Variants in PPL observed in about 807,000 individuals in gnomAD.
PPL encodes periplakin.
In PPL, 198 loss-of-function variants were observed where a neutral mutation model predicts 194.4. The observed-to-expected ratio is 1.02, with a 90% CI of 0.91 to 1.15. PPL has a LOEUF of 1.15. PPL is among the 50% of genes most tolerant of loss of function. PPL has a pLI of 0.00. For synonymous variants in PPL, 1,220 were observed against 972.4 expected (o/e 1.25, Z -4.74); for missense variants, 2,885 against 2,294.8 (o/e 1.26, Z -5.25).
intron 1 of PPL, among the ~76,000 whole-genome samples, chr16:4,913,630 T>G (rs2088862174): frequency 6.6e-6 from 1 of 152,180 alleles, no homozygotes; most frequent in African/African-American, 2.4e-5. Flanking sequence ...CTCCACTTCT[T>G]GGGGTCAAGT....
At position 4,899,223 on chromosome 16, in the gene PPL, C is replaced by T. The variant is rs1282777583; in HGVS notation, c.768G>A (p.Glu256=). The change falls in exon 7 of 22, where the codon GAG becomes GAA. Residue 256 remains glutamate (E), a splice_region_variant and synonymous_variant. Transcript: ENST00000345988. ...LDYPSRRRQY[E]NFINRNLEAK... is the part of the protein sequence containing the mutation. ...GATGCCCCAGGCCCCCAGAACCCAC[C>T]TCATACTGGCGCCGGCGGCTGGGGT... The T allele has an allele frequency of 1.2e-6, 2 of 1,613,894 alleles. No homozygotes were observed. Among genetic ancestry groups the T allele is most frequent in the Non-Finnish European group, 8.5e-7 (1 of 1,179,924 alleles).
At chr16:4,921,792 C>T (rs534318860) in intron 1 of PPL, among the ~76,000 whole-genome samples, 1 of 151,946 alleles carries the variant, frequency 6.6e-6, no homozygotes, top group Non-Finnish European at 1.5e-5. Context: ...GGTGGCAACT[C>T]GAGGCTGAGG....
intron 1 of PPL, among the ~76,000 whole-genome samples, chr16:4,927,284 G>A (rs1015805418): frequency 1.3e-5 from 2 of 152,230 alleles, no homozygotes; most frequent in African/African-American, 4.8e-5. Flanking sequence ...ATACTGAAGA[G>A]AGAAAGCACT....
At chr16:4,914,160 C>A (rs1329189766) in intron 1 of PPL, among the ~76,000 whole-genome samples, 1 of 152,158 alleles carries the variant, frequency 6.6e-6, no homozygotes, top group African/African-American at 2.4e-5. Context: ...GGTCCTGGCA[C>A]GTCCCGTGGG....
At position 4,884,435 on chromosome 16, in the gene PPL, T is replaced by A; in HGVS notation, c.4220A>T (p.Glu1407Val). ...TELERQLEEL[E>V]RERQARREAE... ...CTCCCTGCGGGCCTGCCGCTCGCGC[T>A]CTAGCTCCTCCAGCTGCCGCTCAAG... is the stretch of plus-strand genomic sequence containing the variant. Residue 1407 changes from glutamate to valine, a missense_variant, in exon 22 of 22, where the codon GAG becomes GTG. Coordinates refer to ENST00000345988, the MANE Select transcript of PPL (RefSeq NM_002705.5). The surrounding 1 kb of genome is among the most constrained non-coding windows in gnomAD (Gnocchi z 5.7). 6.2e-7 allele frequency: 1 copy of A among 1,603,062 alleles called. No individual in the cohort carries two copies. The highest frequency in any genetic ancestry group is 1.3e-5 in the African/African-American group (1 of 74,512).
chr16:4,918,880 G>T lies in PPL; in HGVS notation c.63-7931C>A, dbSNP rs568664379. ...CTGCAGGAAAGGGGACAGGTCCCAG[G>T]AGTGCTGGGAAACCGGCTAGGCTGG... is the stretch of plus-strand genomic sequence containing the variant. On this transcript the variant is annotated intron_variant, in intron 1 of 21. Coordinates refer to ENST00000345988, the MANE Select transcript of PPL (RefSeq NM_002705.5). Among the ~76,000 whole-genome samples the T allele has an allele frequency of 7.9e-5, 12 of 152,282 alleles. No homozygotes were observed. In the South Asian group the frequency reaches 2.3e-3, roughly 29 times the overall value.
rs773316542 is a variant in PPL at position 4,884,985 on chromosome 16, G to C, written c.3670C>G (p.Pro1224Ala). ...SELEALRRRG[P>A]QVEVKEVTKE... ...GTCACCTCTTTGACTTCCACCTGGG[G>C]GCCTCGCCTCCTGAGGGCCTCCAGC... The change falls in exon 22 of 22, where the codon CCC becomes GCC. Residue 1224 changes from proline (P) to alanine (A), a missense_variant. Physicochemically the swap from Pro to Ala is conservative, Grantham distance 27 (BLOSUM62 -1). Coordinates refer to ENST00000345988, the MANE Select transcript of PPL (RefSeq NM_002705.5). The surrounding 1 kb of genome is among the most constrained non-coding windows in gnomAD (Gnocchi z 5.7). 1 of 1,614,000 alleles carries C rather than the reference G, an allele frequency of 6.2e-7. No homozygotes were observed. Among genetic ancestry groups the C allele is most frequent in the Non-Finnish European group, 8.5e-7 (1 of 1,180,016 alleles).
intron 1 of PPL, among the ~76,000 whole-genome samples, chr16:4,924,738 C>G (rs2089123835): frequency 6.6e-6 from 1 of 152,222 alleles, no homozygotes; most frequent in South Asian, 2.1e-4. Context: ...CACCCTTCCC[C>G]AGGTCCCCAG....
chr16:4,910,028 A>ACCT (rs1380665990), intron 2 of PPL, among the ~76,000 whole-genome samples: 24 of 152,284 alleles, frequency 1.6e-4, no homozygotes, highest in African/African-American at 5.1e-4. Flanking sequence ...AGGGTACAAA[A>ACCT]CAGGCATCAA....
Position 4,893,358 on chromosome 16 carries a change from A to C in PPL, c.1505T>G (p.Leu502Arg). 6.2e-7 allele frequency: 1 copy of C among 1,607,222 alleles called. No individual in the cohort carries two copies. The highest frequency in any genetic ancestry group is 1.1e-5 in the South Asian group (1 of 90,976). ...GCCAGCCAGCAGCTGCCGCCCCTGT[A>C]GGTCAGAGGCATCTGTGGAGGGAGG... ...KTENPGDASD[L>R]QGRQLLAGLD... The change falls in exon 14 of 22, where the codon CTA becomes CGA. Residue 502 changes from leucine to arginine, a missense_variant. Physicochemically the swap from Leu to Arg is moderately radical, Grantham distance 102. Coordinates refer to ENST00000345988, the MANE Select transcript of PPL (RefSeq NM_002705.5).
intron 2 of PPL, among the ~76,000 whole-genome samples, chr16:4,906,682 G>C (rs1218023814): frequency 1.3e-5 from 2 of 152,272 alleles, no homozygotes; most frequent in Admixed American, 6.5e-5. Context: ...GGCTGAGAGA[G>C]AAAGAGAACA....
Position 4,911,179 on chromosome 16 carries a change from T to G in PPL, c.63-230A>C, listed in dbSNP as rs2088813951. Among the ~76,000 whole-genome samples the G allele has an allele frequency of 5.1e-5, 6 of 116,650 alleles. No individual in the cohort carries two copies. In the South Asian group the frequency reaches 1.3e-3, roughly 26 times the overall value. The allele number at this position is 116,650 out of a possible 152,430, so 76.5% of individuals were successfully genotyped here. ...TCCTTTTTTTTTTTTTTTTTTTTTT[T>G]GAGATGGAGTCTTGCTCTGTCACCC... On this transcript the variant is annotated intron_variant, in intron 1 of 21. Coordinates refer to ENST00000345988, the MANE Select transcript of PPL (RefSeq NM_002705.5).
rs1168284014 is a variant in PPL at position 4,890,917 on chromosome 16, A to G, written c.1973T>C (p.Met658Thr). Residue 658 changes from methionine to threonine, a missense_variant, in exon 17 of 22, where the codon ATG becomes ACG. Transcript: ENST00000345988. ...LDSKGQELAAMACELQAQKSL... is the reference protein window; with the variant it reads ...LDSKGQELAATACELQAQKSL... Reference sequence around the variant, plus strand: ...CTTCTGGGCCTGTAACTCACAGGCCATGGCCTGGCGGGGCAGAGGAGGAGA... The same window carrying G: ...CTTCTGGGCCTGTAACTCACAGGCCGTGGCCTGGCGGGGCAGAGGAGGAGA... The G allele has an allele frequency of 1.3e-6, 2 of 1,519,482 alleles. No individual in the cohort carries two copies. The highest frequency in any genetic ancestry group is 1.2e-5 in the South Asian group (1 of 82,304). The allele number at this position is 1,519,482 out of a possible 1,614,324, so 94.1% of individuals were successfully genotyped here. A position where few individuals can be genotyped will look rare whatever the true frequency, so the allele number is the denominator to read the frequency against.
At chr16:4,895,816 C>G (rs2088416892) in intron 9 of PPL, 100 bp from the exon 10 acceptor site, 1 of 1,528,842 alleles carries the variant, frequency 6.5e-7, no homozygotes, top group South Asian at 1.2e-5. Flanking sequence ...GGCTGGGCCT[C>G]CGGTTCACCT....
rs1480284423 is a variant in PPL, at chr16:4,883,719, T to C, written c.4936A>G (p.Lys1646Glu). Residue 1646 changes from lysine to glutamate, a missense_variant, in exon 22 of 22, where the codon AAG (lysine) becomes GAG (glutamate). By Grantham distance (56) the Lys-to-Glu change is moderately conservative. Coordinates refer to ENST00000345988, the MANE Select transcript of PPL (RefSeq NM_002705.5). This position sits in a 1 kb window ranked among gnomAD's most constrained non-coding sequence, Gnocchi z 4.8. ...LQKRLGSVAVKREQRENHLRR... is the reference protein window; with the variant it reads ...LQKRLGSVAVEREQRENHLRR... ...AGGTGGTTCTCCCGCTGCTCCCGCTTGACGGCCACGGAGCCCAGGCGCTTC... is the reference window on the plus strand; with the variant it reads ...AGGTGGTTCTCCCGCTGCTCCCGCTCGACGGCCACGGAGCCCAGGCGCTTC... The C allele has an allele frequency of 6.2e-7, 1 of 1,613,900 alleles. No homozygotes were observed. The highest frequency in any genetic ancestry group is 8.5e-7 in the Non-Finnish European group (1 of 1,179,996).
At chr16:4,935,843 G>C (rs960717732) in intron 1 of PPL, among the ~76,000 whole-genome samples, 15 of 152,182 alleles carry the variant, frequency 9.9e-5, no homozygotes, top group Non-Finnish European at 2.2e-4. Context: ...AGCTGCTTGA[G>C]GGCACAGTGG....
Position 4,894,623 on chromosome 16 carries a change from CG to C in PPL, c.1243-6del. ...GTAGCCCCGCGAGATCAGGCCCTGG[CG>C]GGGGCAGGCTGGACAGTCAGGATCC... is the stretch of plus-strand genomic sequence containing the variant. On this transcript the variant is annotated splice_region_variant and splice_polypyrimidine_tract_variant and intron_variant, in intron 11 of 21. Coordinates refer to ENST00000345988, the MANE Select transcript of PPL (RefSeq NM_002705.5). The C allele has an allele frequency of 6.2e-7, 1 of 1,611,784 alleles. No homozygotes were observed. The highest frequency in any genetic ancestry group is 8.5e-7 in the Non-Finnish European group (1 of 1,179,638).
intron 1 of PPL, among the ~76,000 whole-genome samples, chr16:4,926,186 G>A (rs1369236892): frequency 6.6e-6 from 1 of 152,168 alleles, no homozygotes; most frequent in Non-Finnish European, 1.5e-5. Context: ...TGCAGATGAG[G>A]AAACTGAGCC....
In PPL at chr16:4,899,001, G is replaced by A; in HGVS notation, c.876+12C>T. 6.2e-7 allele frequency: 1 copy of A among 1,611,072 alleles called. No homozygotes were observed. Among genetic ancestry groups the A allele is most frequent in the African/African-American group, 1.3e-5 (1 of 74,994 alleles). On this transcript the variant is annotated intron_variant, in intron 8 of 21. Coordinates refer to ENST00000345988, the MANE Select transcript of PPL (RefSeq NM_002705.5). ...ACCCTGGGGGAGGTGTCTGGTCTCG[G>A]GGTGCATGAACCTCAATGGAGTTCC... is the stretch of plus-strand genomic sequence containing the variant.
Sources: allele counts gnomAD v4.1 joint callset (sites outside exome capture counted in the v4.1 genomes callset), GRCh38; gene constraint gnomAD v4.1.1; non-coding constraint Gnocchi (gnomAD v3.1); transcripts MANE v1.5; gene names NCBI Gene and HGNC (gene_info 2026-07-23, HGNC 2026-07-21).